SLC26A8: variants seen among roughly 807,000 people sequenced by gnomAD.
SLC26A8 encodes solute carrier family 26 member 8.
In SLC26A8, 70 loss-of-function variants were observed where a neutral mutation model predicts 105.0. That is an observed-to-expected ratio of 0.67 (90% CI 0.55 to 0.81). SLC26A8 has a LOEUF of 0.81. Among genes scored for constraint, SLC26A8 ranks in the 40% least tolerant of loss-of-function variants. SLC26A8 has a pLI of 0.00. For synonymous variants in SLC26A8, 415 were observed against 438.3 expected (o/e 0.95, Z 0.66); for missense variants, 998 against 1,181.8 (o/e 0.84, Z 2.28).
intron 7 of SLC26A8, among the ~76,000 whole-genome samples, chr6:35,984,227 C>T (rs907750864): frequency 2.6e-5 from 4 of 151,896 alleles, no homozygotes; most frequent in Non-Finnish European, 5.9e-5. Flanking sequence ...CTGTTTCCTC[C>T]CCTACCTCAC....
Position 35,968,601 on chromosome 6 carries a change from G to GTGTA in SLC26A8, c.1365+275_1365+276insTACA, listed in dbSNP as rs1218288536. ...TACATATGTGTGTATGTGTGTGTGT[G>GTGTA]TGTGTGTGTATATATATATATATAT... On this transcript the variant is annotated intron_variant, in intron 11 of 19. Coordinates refer to ENST00000490799, the MANE Select transcript of SLC26A8 (RefSeq NM_052961.4). Among the ~76,000 whole-genome samples the GTGTA allele has an allele frequency of 4.8e-3, 195 of 40,494 alleles. 2 individuals carry two copies. The highest frequency in any genetic ancestry group is 5.4e-3 in the African/African-American group (37 of 6,868). 26.6% of individuals were successfully genotyped at this position (40,494 alleles called of 152,430 possible).
chr6:35,998,530 G>A (rs1374085714), intron 4 of SLC26A8, among the ~76,000 whole-genome samples: 1 of 149,860 alleles, frequency 6.7e-6, no homozygotes, highest in Non-Finnish European at 1.5e-5. Flanking sequence ...ACTCCAGCCT[G>A]GGCAACAAGA....
chr6:35,975,477 G>A lies in SLC26A8; in HGVS notation c.1185C>T (p.Ala395=), dbSNP rs1171205993. 5.6e-6 allele frequency: 9 copies of A among 1,609,940 alleles called. No individual in the cohort carries two copies. The highest frequency in any genetic ancestry group is 1.3e-5 in the African/African-American group (1 of 74,732). Residue 395 remains alanine, a synonymous_variant, in exon 10 of 20, where the codon GCC becomes GCT. Coordinates refer to ENST00000490799, the MANE Select transcript of SLC26A8 (RefSeq NM_052961.4). ...YSVNSNQDLI[A]IGLCNVVSSF... is the part of the protein sequence containing the mutation. ...AACTGACGACATTGCAAAGGCCGAT[G>A]GCTATTAAATCCTGTAAAGAAACAG...
chr6:36,013,696 T>C (rs568823313), intron 2 of SLC26A8, among the ~76,000 whole-genome samples: 5 of 152,332 alleles, frequency 3.3e-5, no homozygotes, highest in Non-Finnish European at 5.9e-5. Flanking sequence ...TTTTTCATTA[T>C]TTAGATTTTA....
chr6:35,943,682 T>C lies in SLC26A8; in HGVS notation c.*218A>G. On this transcript the variant is annotated 3_prime_UTR_variant, in exon 20 of 20. Transcript: ENST00000490799. ...TGCTGAAGGTGAAATGAGGGGAGCC[T>C]GGATAGGGAATTCAGAGATAATTGT... The C allele has an allele frequency of 3.3e-6, 2 of 607,396 alleles. No homozygotes were observed. Among genetic ancestry groups the C allele is most frequent in the Non-Finnish European group, 5.5e-6 (2 of 365,746 alleles). The allele number at this position is 607,396 out of a possible 1,614,324, so 37.6% of individuals were successfully genotyped here.
chr6:35,995,408 C>T (rs1761323118), intron 5 of SLC26A8, among the ~76,000 whole-genome samples: 1 of 152,190 alleles, frequency 6.6e-6, no homozygotes, highest in Non-Finnish European at 1.5e-5. Flanking sequence ...ATAGTTGTTT[C>T]CTTCCCAGAT....
intron 10 of SLC26A8, chr6:35,969,177 C>A: frequency 2.0e-6 from 1 of 500,256 alleles, no homozygotes; most frequent in South Asian, 2.2e-5. Flanking sequence ...AAAGATGCTC[C>A]CTGAAAAGCT....
intron 17 of SLC26A8, among the ~76,000 whole-genome samples, chr6:35,953,223 T>G (rs1323122718): frequency 1.3e-5 from 2 of 152,086 alleles, no homozygotes; most frequent in African/African-American, 4.8e-5. Context: ...GTCTCCATGT[T>G]GGGGATGGAA....
At chr6:36,002,302 A>G (rs1761545810) in intron 3 of SLC26A8, among the ~76,000 whole-genome samples, 1 of 152,116 alleles carries the variant, frequency 6.6e-6, no homozygotes, top group Non-Finnish European at 1.5e-5. Flanking sequence ...CTTTGTTTCC[A>G]GTTTGGGGCT....
At chr6:35,983,017 C>T (rs1433816199) in intron 7 of SLC26A8, among the ~76,000 whole-genome samples, 15 of 152,200 alleles carry the variant, frequency 9.9e-5, no homozygotes, top group Non-Finnish European at 1.5e-5. Flanking sequence ...AGACAAGAGA[C>T]CTCAATTCCT....
At chr6:35,968,603 GTGTGTGTATATATATATATATATATA>G (rs1414823845) in intron 11 of SLC26A8, among the ~76,000 whole-genome samples, 4 of 52,404 alleles carry the variant, frequency 7.6e-5, no homozygotes, top group Non-Finnish European at 1.8e-4. Context: ...GTGTGTGTGT[GTGTGTGTATATATATATATATATATA>G]TATATATATA....
intron 16 of SLC26A8, among the ~76,000 whole-genome samples, chr6:35,958,881 A>G (rs1772199523): frequency 6.6e-6 from 1 of 152,210 alleles, no homozygotes; most frequent in Non-Finnish European, 1.5e-5. Context: ...CCAGTTTGGA[A>G]ATAATGAACA....
At chr6:35,961,690 T>C (rs771053035) in intron 12 of SLC26A8, among the ~76,000 whole-genome samples, 4 of 152,228 alleles carry the variant, frequency 2.6e-5, no homozygotes, top group Non-Finnish European at 4.4e-5. Context: ...CCGTCCCCTC[T>C]TAGCTCCTCA....
chr6:35,961,123 A>G (rs1470624420), intron 12 of SLC26A8, 24 bp from the exon 13 acceptor site: 9 of 1,575,290 alleles, frequency 5.7e-6, no homozygotes, highest in Non-Finnish European at 7.8e-6. Flanking sequence ...GAATGAGGGG[A>G]AAATGATCAT....
At chr6:36,000,377 A>G (rs1205884008) in intron 3 of SLC26A8, among the ~76,000 whole-genome samples, 1 of 152,210 alleles carries the variant, frequency 6.6e-6, no homozygotes, top group Non-Finnish European at 1.5e-5. Flanking sequence ...AATACTAAAC[A>G]TGTAAAGCAA....
At position 35,997,790 on chromosome 6, in the gene SLC26A8, T is replaced by G. The variant is rs1433775483; in HGVS notation, c.575A>C (p.Asn192Thr). ...GGTTGCCACCACACTCAAGGATTTA[T>G]TATAGCCCATAAGGTAGGAGGGGGC... is the stretch of plus-strand genomic sequence containing the variant. ...FSAPSYLMGY[N>T]KSLSVVATTT... Residue 192 changes from asparagine to threonine, a missense_variant, in exon 5 of 20, where the codon AAT becomes ACT. By Grantham distance (65) the Asn-to-Thr change is moderately conservative. Coordinates refer to ENST00000490799, the MANE Select transcript of SLC26A8 (RefSeq NM_052961.4). 6.2e-7 allele frequency: 1 copy of G among 1,614,116 alleles called. No homozygotes were observed. Among genetic ancestry groups the G allele is most frequent in the East Asian group, 2.2e-5 (1 of 44,872 alleles).
At chr6:35,956,100 AT>A (rs1166471887) in intron 16 of SLC26A8, among the ~76,000 whole-genome samples, 1 of 152,160 alleles carries the variant, frequency 6.6e-6, no homozygotes, top group East Asian at 1.9e-4. Flanking sequence ...ACAATAAAAA[AT>A]AAATAAGAAT....
At chr6:35,982,520 T>G (rs1773316896) in intron 7 of SLC26A8, among the ~76,000 whole-genome samples, 1 of 152,200 alleles carries the variant, frequency 6.6e-6, no homozygotes, top group Non-Finnish European at 1.5e-5. Context: ...TTTTAATATT[T>G]AATATATTTG....
intron 7 of SLC26A8, among the ~76,000 whole-genome samples, chr6:35,991,097 A>G (rs1295591982): frequency 6.6e-6 from 1 of 152,132 alleles, no homozygotes; most frequent in African/African-American, 2.4e-5. Flanking sequence ...TGCAAGGCGA[A>G]AACAATTAAA....
Sources: gnomAD v4.1 joint callset for allele counts (sites outside exome capture counted in the v4.1 genomes callset) on GRCh38, gnomAD v4.1.1 for gene constraint, MANE v1.5 for transcripts, NCBI Gene and HGNC (gene_info 2026-07-23, HGNC 2026-07-21) for gene names.